The following ANKS1B variants were observed in gnomAD, a reference collection of about 807,000 sequenced individuals.
ANKS1B encodes the protein ankyrin repeat and sterile alpha motif domain-containing protein 1B.
Under a neutral mutation model 148.3 loss-of-function variants are expected in ANKS1B, and 36 were observed. That is an observed-to-expected ratio of 0.24 (90% confidence interval 0.19 to 0.32). ANKS1B has a LOEUF of 0.32. ANKS1B is among the 10% of genes least tolerant of loss of function. The pLI is 1.00. For missense variants in ANKS1B, 1,157 were observed against 1,542.6 expected (o/e 0.75, Z 4.19); for synonymous variants, 542 against 560.8 (o/e 0.97, Z 0.47).
rs139648091 is a variant in ANKS1B, at chr12:99,574,463, C to T, written c.1273-69822G>A. On this transcript the variant is annotated intron_variant, in intron 9 of 26. Coordinates refer to ENST00000683438, the MANE Select transcript of ANKS1B (RefSeq NM_001352186.2). ...CTAAAAAGCCATTGTTATACAGATA[C>T]CAAAATCAGACAGACTTTAATGAAA... 8.5e-5 allele frequency among the ~76,000 whole-genome samples: 13 copies of T among 152,098 alleles called. No individual in the cohort carries two copies. The East Asian group carries it at 1.7e-3, about 20-fold the overall frequency.
chr12:98,801,119 C>T lies in ANKS1B; in HGVS notation c.3148G>A (p.Asp1050Asn). 6.2e-7 allele frequency: 1 copy of T among 1,612,056 alleles called. No individual in the cohort carries two copies. The highest frequency in any genetic ancestry group is 1.1e-5 in the South Asian group (1 of 90,588). ...AAGGTAATGGAAGGTTCTCCCCAGT[C>T]TCCTGTCTGAAAATGACATTTATTC... ...SAIHQVHNTG[D>N]WGEPSITLRP... Residue 1050 changes from aspartate (D) to asparagine (N), a missense_variant, in exon 21 of 27, where the codon GAC (aspartate) becomes AAC (asparagine). This residue lies in a region of ANKS1B where 258 missense variants were observed against 497.0 expected (regional missense o/e 0.52). Coordinates refer to ENST00000683438, the MANE Select transcript of ANKS1B (RefSeq NM_001352186.2). The surrounding 1 kb of genome is among the most constrained non-coding windows in gnomAD (Gnocchi z 5.2).
intron 4 of ANKS1B, among the ~76,000 whole-genome samples, chr12:99,794,622 A>C (rs2066026909): frequency 1.3e-5 from 2 of 152,006 alleles, no homozygotes; most frequent in South Asian, 2.1e-4. Flanking sequence ...ACATGTTCTC[A>C]GTTATTTGTG....
chr12:98,751,602 A>G lies in ANKS1B; in HGVS notation c.3580-80T>C. On this transcript the variant is annotated intron_variant, in intron 25 of 26. Coordinates refer to ENST00000683438, the MANE Select transcript of ANKS1B (RefSeq NM_001352186.2). The surrounding 1 kb of genome is among the most constrained non-coding windows in gnomAD (Gnocchi z 4.3). ...TCGAATGGCTGAGGAACACTGAGGG[A>G]GGTGAACTAGGGAGGAACTTGAACT... is the stretch of plus-strand genomic sequence containing the variant. 1 of 1,376,526 alleles carries G rather than the reference A, an allele frequency of 7.3e-7. No individual in the cohort carries two copies. The highest frequency in any genetic ancestry group is 1.0e-6 in the Non-Finnish European group (1 of 984,124). 85.3% of individuals were successfully genotyped at this position (1,376,526 alleles called of 1,614,324 possible).
At chr12:99,276,547 T>C (rs1377103622) in intron 12 of ANKS1B, among the ~76,000 whole-genome samples, 2 of 152,152 alleles carry the variant, frequency 1.3e-5, no homozygotes, top group African/African-American at 4.8e-5. Flanking sequence ...CTCTCACCTA[T>C]AAGGAGAGAG....
chr12:99,732,732 A>T (rs1202830920), intron 8 of ANKS1B, among the ~76,000 whole-genome samples: 1 of 152,162 alleles, frequency 6.6e-6, no homozygotes, highest in Non-Finnish European at 1.5e-5. Context: ...ATTGTATGTA[A>T]ATTATATCTC....
intron 12 of ANKS1B, among the ~76,000 whole-genome samples, chr12:99,308,137 A>C (rs1053721960): frequency 6.6e-6 from 1 of 152,122 alleles, no homozygotes; most frequent in Non-Finnish European, 1.5e-5. Flanking sequence ...GGTTTTAAAA[A>C]ATGGATTTAA....
intron 9 of ANKS1B, among the ~76,000 whole-genome samples, chr12:99,615,710 G>A (rs2097951148): frequency 6.6e-6 from 1 of 152,124 alleles, no homozygotes; most frequent in South Asian, 2.1e-4. Flanking sequence ...AAAGCTGGAA[G>A]CATTCCCTTT....
chr12:99,347,777 T>C (rs1188900621), intron 12 of ANKS1B, among the ~76,000 whole-genome samples: 1 of 150,474 alleles, frequency 6.6e-6, no homozygotes, highest in East Asian at 2.0e-4. Flanking sequence ...AAATGCTCAG[T>C]TTTAAACAAA....
chr12:99,715,660 C>T (rs890448256), intron 8 of ANKS1B, among the ~76,000 whole-genome samples: 11 of 152,152 alleles, frequency 7.2e-5, no homozygotes, highest in Non-Finnish European at 1.5e-4. Context: ...TGTCCTCCTG[C>T]TCTTTGCTCC....
At chr12:99,122,998 AT>A (rs200613166) in intron 15 of ANKS1B, among the ~76,000 whole-genome samples, 58 of 144,696 alleles carry the variant, frequency 4.0e-4, no homozygotes, top group African/African-American at 7.4e-4. Flanking sequence ...TAAAAAAAAA[AT>A]ATATATATAT....
intron 15 of ANKS1B, among the ~76,000 whole-genome samples, chr12:99,118,891 A>T (rs1020372795): frequency 1.3e-5 from 2 of 152,198 alleles, no homozygotes; most frequent in African/African-American, 2.4e-5. Flanking sequence ...ATGTATGTTC[A>T]GAAGTATTGG....
chr12:99,647,878 AC>A (rs1194217061), intron 9 of ANKS1B: 1 of 390,650 alleles, frequency 2.6e-6, no homozygotes, highest in Non-Finnish European at 4.6e-6. Context: ...CCGAATGAGC[AC>A]TGACACCTGT....
chr12:99,333,729 T>G (rs972783019), intron 12 of ANKS1B, among the ~76,000 whole-genome samples: 1 of 152,018 alleles, frequency 6.6e-6, no homozygotes, highest in East Asian at 1.9e-4. Flanking sequence ...TTATTCACTT[T>G]CAAGAAAATA....
chr12:99,970,164 C>A (rs758307401), intron 1 of ANKS1B, among the ~76,000 whole-genome samples: 3 of 152,012 alleles, frequency 2.0e-5, no homozygotes, highest in Non-Finnish European at 2.9e-5. Context: ...TATTTCCAGG[C>A]CTTACACTTA....
chr12:99,311,008 A>G (rs2083070067), intron 12 of ANKS1B, among the ~76,000 whole-genome samples: 2 of 152,190 alleles, frequency 1.3e-5, no homozygotes, highest in African/African-American at 4.8e-5. Flanking sequence ...TAAATGAGCT[A>G]TTACATATAA....
intron 9 of ANKS1B, among the ~76,000 whole-genome samples, chr12:99,561,028 A>C (rs2097331010): frequency 6.6e-6 from 1 of 151,440 alleles, no homozygotes; most frequent in African/African-American, 2.4e-5. Flanking sequence ...TTGTATTTTT[A>C]GTAGAGACGG....
At chr12:99,191,260 G>A (rs957732067) in intron 14 of ANKS1B, among the ~76,000 whole-genome samples, 1 of 152,194 alleles carries the variant, frequency 6.6e-6, no homozygotes, top group Non-Finnish European at 1.5e-5. Context: ...AGTGAAATGA[G>A]TTCAACCATT....
At chr12:99,894,374 T>C (rs1401181102) in intron 1 of ANKS1B, among the ~76,000 whole-genome samples, 2 of 149,236 alleles carry the variant, frequency 1.3e-5, no homozygotes, top group Non-Finnish European at 3.0e-5. Flanking sequence ...CCAGGTGTGG[T>C]AGTGCACGCC....
At chr12:98,864,987 C>T (rs752404454) in intron 17 of ANKS1B, among the ~76,000 whole-genome samples, 16 of 152,152 alleles carry the variant, frequency 1.1e-4, no homozygotes, top group Admixed American at 1.3e-4. Context: ...CTTTCCTCTG[C>T]TCGCCTTGTA....
Sources: allele counts gnomAD v4.1 joint callset (sites outside exome capture counted in the v4.1 genomes callset), GRCh38; gene constraint gnomAD v4.1.1; regional missense constraint gnomAD v4.1.1; non-coding constraint Gnocchi (gnomAD v3.1); transcripts MANE v1.5; gene names NCBI Gene and HGNC (gene_info 2026-07-23, HGNC 2026-07-21).